The following C2CD5 variants were observed in gnomAD, a reference collection of about 807,000 sequenced individuals.
C2CD5 encodes the protein C2 domain-containing protein 5.
A neutral mutation model predicts 130.3 loss-of-function variants in C2CD5; 109 were observed. The ratio of observed to expected loss-of-function variants is 0.84; its 90% CI spans 0.72 to 0.98. C2CD5 has a LOEUF of 0.98. C2CD5 is among the 50% of genes least tolerant of loss of function. The probability of loss-of-function intolerance (pLI) is 0.00; values close to 1 mark genes in which losing one functional copy is unlikely to be tolerated. For missense variants in C2CD5, 996 were observed against 1,261.8 expected (o/e 0.79, Z 3.19); for synonymous variants, 454 against 429.2 (o/e 1.06, Z -0.71).
chr12:22,470,879 G>C lies in C2CD5; in HGVS notation c.2391C>G (p.Asp797Glu), dbSNP rs537812372. 6.2e-7 allele frequency: 1 copy of C among 1,612,250 alleles called. No homozygotes were observed. The highest frequency in any genetic ancestry group is 1.3e-5 in the African/African-American group (1 of 74,902). Residue 797 changes from aspartate (D) to glutamate (E), a missense_variant, in exon 21 of 27, where the codon GAC becomes GAG. Coordinates refer to ENST00000446597, the MANE Select transcript of C2CD5 (RefSeq NM_001286176.2). ...VTVTAVAITF[D>E]KNQALQTTKT... The stretch of plus-strand genomic sequence containing the variant: ...TTGTGGTTTGTAAAGCCTGATTTTT[G>C]TCAAAAGTGATTGCGACTGCCGTGA...
In C2CD5 at chr12:22,458,500, A is replaced by T. The variant is rs1307907777; in HGVS notation, c.2670T>A (p.Arg890=). ...LIKLKAQTIR[R]GSIKTTMTVE... is the part of the protein sequence containing the mutation. ...TCCGCCTACTTGTCTTAATTGATCC[A>T]CGCCTTATGGTCTGAGCTTTCAGTT... is the stretch of plus-strand genomic sequence containing the variant. Residue 890 remains arginine, a synonymous_variant, in exon 24 of 27, where the codon CGT becomes CGA. Transcript: ENST00000446597. 8.6e-6 allele frequency: 11 copies of T among 1,278,346 alleles called. No individual in the cohort carries two copies. The highest frequency in any genetic ancestry group is 1.1e-5 in the Non-Finnish European group (11 of 1,009,108). The allele number at this position is 1,278,346 out of a possible 1,614,324, so 79.2% of individuals were successfully genotyped here.
chr12:22,493,365 T>C, intron 10 of C2CD5, 28 bp from the exon 11 acceptor site: 3 of 1,189,532 alleles, frequency 2.5e-6, no homozygotes, highest in Non-Finnish European at 3.8e-6. Flanking sequence ...AATCAGTTTA[T>C]TACTCAATAG....
chr12:22,539,907 G>A (rs932250602), intron 2 of C2CD5, among the ~76,000 whole-genome samples: 4 of 148,520 alleles, frequency 2.7e-5, no homozygotes. Context: ...CAGGAGAATC[G>A]CTTGAACCTG....
At chr12:22,476,693 T>A (rs990138640) in intron 15 of C2CD5, among the ~76,000 whole-genome samples, 2 of 152,058 alleles carry the variant, frequency 1.3e-5, no homozygotes, top group Admixed American at 6.6e-5. Context: ...TCTATACAAG[T>A]ACATACAGGT....
At chr12:22,471,512 A>G in intron 19 of C2CD5, 24 bp from the exon 20 acceptor site, 1 of 1,321,466 alleles carries the variant, frequency 7.6e-7, no homozygotes, top group South Asian at 1.5e-5. Flanking sequence ...AATATTAGTA[A>G]TGTCACTTTT....
chr12:22,528,387 T>C (rs1177151439), intron 3 of C2CD5, among the ~76,000 whole-genome samples: 1 of 152,180 alleles, frequency 6.6e-6, no homozygotes, highest in Admixed American at 6.5e-5. Flanking sequence ...GATATAAACA[T>C]CTACCCTCTC....
chr12:22,510,488 T>A (rs1361274617), intron 9 of C2CD5, among the ~76,000 whole-genome samples: 1 of 152,192 alleles, frequency 6.6e-6, no homozygotes, highest in Non-Finnish European at 1.5e-5. Context: ...GAGATTTAAA[T>A]AGGATTTTTC....
rs1952744950 is a variant in C2CD5 at position 22,544,369 on chromosome 12, C to T, written c.-79G>A. On this transcript the variant is annotated 5_prime_UTR_variant, in exon 1 of 27. Coordinates refer to ENST00000446597, the MANE Select transcript of C2CD5 (RefSeq NM_001286176.2). ...CCGCGCGGGTGCTGAGACCTCATTC[C>T]GGAGAGGCGGCGGGAGGAAGGGCTT... 3 of 442,548 alleles carry T rather than the reference C, an allele frequency of 6.8e-6. No homozygotes were observed. The highest frequency in any genetic ancestry group is 3.4e-5 in the South Asian group (1 of 29,752). 27.4% of individuals were successfully genotyped at this position (442,548 alleles called of 1,614,324 possible). A position where few individuals can be genotyped will look rare whatever the true frequency, so the allele number is the denominator to read the frequency against.
intron 13 of C2CD5, among the ~76,000 whole-genome samples, chr12:22,483,998 T>C (rs1945101383): frequency 6.6e-6 from 1 of 152,060 alleles, no homozygotes; most frequent in South Asian, 2.1e-4. Flanking sequence ...CTATATAAGT[T>C]GATGAGTTCA....
At position 22,466,293 on chromosome 12, in the gene C2CD5, G is replaced by A. The variant is rs541530238; in HGVS notation, c.2533+3416C>T. ...CATGAAATATACACTGGAATTCAAA[G>A]TTACTGAAAGTAAAAAAAAAAAAGC... On this transcript the variant is annotated intron_variant, in intron 22 of 26. Coordinates refer to ENST00000446597, the MANE Select transcript of C2CD5 (RefSeq NM_001286176.2). 6.1e-4 allele frequency among the ~76,000 whole-genome samples: 89 copies of A among 146,568 alleles called. 1 individual carries two copies. The South Asian group carries it at 0.018, about 29-fold the overall frequency.
chr12:22,506,849 C>T (rs774828141), intron 9 of C2CD5, 30 bp from the exon 10 acceptor site: 7 of 1,322,698 alleles, frequency 5.3e-6, no homozygotes, highest in South Asian at 3.5e-5. Flanking sequence ...AAAAATACAA[C>T]TTATCGTGTG....
rs142273304 is a variant in C2CD5 at position 22,452,243 on chromosome 12, C to G, written c.3024+1653G>C. On this transcript the variant is annotated intron_variant, in intron 26 of 26. Coordinates refer to ENST00000446597, the MANE Select transcript of C2CD5 (RefSeq NM_001286176.2). ...ATATAATTTCAAGATCTAATAGATG[C>G]GTTCTTTACGACCAGATAATATCAA... Among the ~76,000 whole-genome samples the G allele has an allele frequency of 1.2e-3, 187 of 152,200 alleles. 1 individual carries two copies. Among genetic ancestry groups the G allele is most frequent in the African/African-American group, 4.3e-3 (180 of 41,524 alleles).
chr12:22,540,054 G>T (rs1952210858), intron 2 of C2CD5, among the ~76,000 whole-genome samples: 1 of 150,280 alleles, frequency 6.7e-6, no homozygotes. Flanking sequence ...ACAGATAGAA[G>T]TATTACAATC....
intron 8 of C2CD5, chr12:22,514,815 TC>T: frequency 5.3e-6 from 1 of 188,260 alleles, no homozygotes; most frequent in Non-Finnish European, 9.9e-6. Flanking sequence ...CAAGTAATCC[TC>T]AATTATATCC....
intron 15 of C2CD5, among the ~76,000 whole-genome samples, chr12:22,475,624 T>C (rs1187125911): frequency 6.6e-6 from 1 of 152,200 alleles, no homozygotes; most frequent in Non-Finnish European, 1.5e-5. Flanking sequence ...CAGAATTGTC[T>C]TTTTAATAAA....
intron 1 of C2CD5, 63 bp from the exon 2 acceptor site, chr12:22,544,242 C>G: frequency 1.5e-6 from 2 of 1,310,686 alleles, no homozygotes; most frequent in Non-Finnish European, 2.1e-6. Flanking sequence ...GGCGGAGGCG[C>G]GCGGGGTAAC....
In C2CD5 at chr12:22,524,486, A is replaced by G; in HGVS notation, c.587T>C (p.Ile196Thr). Residue 196 changes from isoleucine to threonine, a missense_variant, in exon 6 of 27, where the codon ATT (isoleucine) becomes ACT (threonine). Ile to Thr is a moderately conservative substitution (Grantham distance 89). Around this residue, in one of 9 missense-constraint regions of C2CD5, gnomAD observed 26 missense variants for 56.6 expected, o/e 0.46. Coordinates refer to ENST00000446597, the MANE Select transcript of C2CD5 (RefSeq NM_001286176.2). ...TTTTTAAATACCTGACATTAACGAA[A>G]TGAGTCTCTGTCTGGCCTCATTTGA... ...RASNEARQRL[I>T]SLMSGELQRK... 1 of 1,613,488 alleles carries G rather than the reference A, an allele frequency of 6.2e-7. No individual in the cohort carries two copies. The highest frequency in any genetic ancestry group is 8.5e-7 in the Non-Finnish European group (1 of 1,179,786).
chr12:22,480,820 A>G (rs1380782436), intron 14 of C2CD5, among the ~76,000 whole-genome samples: 3 of 147,420 alleles, frequency 2.0e-5, no homozygotes, highest in Non-Finnish European at 4.5e-5. Context: ...TTTTTTTTTT[A>G]AAGACAGGGT....
intron 15 of C2CD5, among the ~76,000 whole-genome samples, 174 bp from the exon 16 acceptor site, chr12:22,475,065 C>T (rs1591997588): frequency 6.6e-6 from 1 of 152,046 alleles, no homozygotes; most frequent in South Asian, 2.1e-4. Flanking sequence ...GATATGGCAG[C>T]CTTAATGATA....
Sources: gnomAD v4.1 joint callset for allele counts (sites outside exome capture counted in the v4.1 genomes callset) on GRCh38, gnomAD v4.1.1 for gene constraint, gnomAD v4.1.1 regional missense constraint, MANE v1.5 for transcripts, NCBI Gene and HGNC (gene_info 2026-07-23, HGNC 2026-07-21) for gene names.